Variants in FBXL20 observed in about 807,000 individuals in gnomAD.
FBXL20 encodes F-box/LRR-repeat protein 20.
A neutral mutation model predicts 64.0 loss-of-function variants in FBXL20; 11 were observed. The ratio of observed to expected loss-of-function variants is 0.17; its 90% CI spans 0.11 to 0.28. The LOEUF (loss-of-function observed/expected upper bound fraction) is 0.28, where lower values mean the gene tolerates loss of function less well. FBXL20 is among the 10% of genes least tolerant of loss of function. The probability of loss-of-function intolerance (pLI) is 1.00; values close to 1 mark genes in which losing one functional copy is unlikely to be tolerated. For synonymous variants in FBXL20, 184 were observed against 189.0 expected (o/e 0.97, Z 0.22); for missense variants, 303 against 526.2 (o/e 0.58, Z 4.15).
At chr17:39,300,952 G>A (rs1348125875) in intron 4 of FBXL20, 49 bp downstream of exon 4, 2 of 1,529,956 alleles carry the variant, frequency 1.3e-6, no homozygotes, top group East Asian at 2.2e-5. Flanking sequence ...TCTGTTCCAT[G>A]CTGTAATTAC....
At chr17:39,308,790 C>T (rs1254376033) in intron 2 of FBXL20, among the ~76,000 whole-genome samples, 2 of 151,984 alleles carry the variant, frequency 1.3e-5, no homozygotes, top group African/African-American at 4.8e-5. Flanking sequence ...TGGTCTCAAT[C>T]TCCTGGCTTC....
At chr17:39,344,457 T>C (rs1415833628) in intron 1 of FBXL20, among the ~76,000 whole-genome samples, 1 of 152,136 alleles carries the variant, frequency 6.6e-6, no homozygotes, top group Non-Finnish European at 1.5e-5. Flanking sequence ...CACATTTACT[T>C]GCTCAAGGAG....
At chr17:39,307,990 T>A (rs960830538) in intron 2 of FBXL20, among the ~76,000 whole-genome samples, 14 of 147,266 alleles carry the variant, frequency 9.5e-5, no homozygotes, top group East Asian at 2.0e-4. Flanking sequence ...AAAAAAAAAA[T>A]TTAAAAGACT....
At chr17:39,379,359 G>A (rs1452383104) in intron 1 of FBXL20, among the ~76,000 whole-genome samples, 2 of 151,748 alleles carry the variant, frequency 1.3e-5, no homozygotes, top group South Asian at 2.1e-4. Flanking sequence ...ACACTTTGGT[G>A]ATTCCTTAAA....
intron 6 of FBXL20, among the ~76,000 whole-genome samples, chr17:39,287,933 C>T (rs1279570981): frequency 6.6e-6 from 1 of 150,556 alleles, no homozygotes; most frequent in Non-Finnish European, 1.5e-5. Context: ...TGTGGAATTG[C>T]ATTGTGGTTT....
intron 1 of FBXL20, among the ~76,000 whole-genome samples, chr17:39,354,324 T>C (rs1311328706): frequency 6.6e-6 from 1 of 152,172 alleles, no homozygotes. Flanking sequence ...TTCTTTAGAG[T>C]ACCTGTGCAA....
chr17:39,343,298 C>A, intron 1 of FBXL20, 57 bp from the exon 2 acceptor site: 2 of 1,260,628 alleles, frequency 1.6e-6, no homozygotes, highest in South Asian at 1.4e-5. Flanking sequence ...ACAGAATGTT[C>A]AACTCAATAG....
At chr17:39,293,038 C>T (rs1386493461) in intron 6 of FBXL20, among the ~76,000 whole-genome samples, 1 of 152,018 alleles carries the variant, frequency 6.6e-6, no homozygotes, top group African/African-American at 2.4e-5. Context: ...GGTGATCCGC[C>T]CACCTTGGCC....
chr17:39,267,109 G>A (rs578138219), intron 12 of FBXL20, among the ~76,000 whole-genome samples: 31 of 151,566 alleles, frequency 2.0e-4, no homozygotes, highest in South Asian at 8.4e-4. Context: ...AAAACTAGCC[G>A]GGCGTGGTGG....
At chr17:39,337,734 G>C (rs530404151) in intron 2 of FBXL20, among the ~76,000 whole-genome samples, 3 of 151,504 alleles carry the variant, frequency 2.0e-5, no homozygotes, top group Non-Finnish European at 2.9e-5. Flanking sequence ...GAGAAGGGAG[G>C]AGCGTCTCCG....
rs1458632970 is a variant in FBXL20, at chr17:39,255,096, C to T, written c.*6364G>A. 1 of 152,150 alleles carries T rather than the reference C, an allele frequency of 6.6e-6. No individual in the cohort carries two copies. The highest frequency in any genetic ancestry group is 1.9e-4 in the East Asian group (1 of 5,186). 9.4% of individuals were successfully genotyped at this position (152,150 alleles called of 1,614,324 possible). A position where few individuals can be genotyped will look rare whatever the true frequency, so the allele number is the denominator to read the frequency against. On this transcript the variant is annotated 3_prime_UTR_variant, in exon 15 of 15. Coordinates refer to ENST00000264658, the MANE Select transcript of FBXL20 (RefSeq NM_032875.3). The stretch of plus-strand genomic sequence containing the variant: ...CCTAAGAGGTTATGTACTGACCTTC[C>T]TAACGATCAAAGGCTTCAGAGACAC...
intron 1 of FBXL20, among the ~76,000 whole-genome samples, chr17:39,384,331 C>T (rs376369166): frequency 6.6e-6 from 1 of 152,034 alleles, no homozygotes; most frequent in Non-Finnish European, 1.5e-5. Flanking sequence ...TTCAAAACCT[C>T]CTGGCCAATA....
At position 39,281,380 on chromosome 17, in the gene FBXL20, G is replaced by A. The variant is rs1273262729; in HGVS notation, c.696+9C>T. The A allele has an allele frequency of 1.9e-6, 3 of 1,612,918 alleles. No homozygotes were observed. Among genetic ancestry groups the A allele is most frequent in the Middle Eastern group, 1.7e-4 (1 of 6,060 alleles). On this transcript the variant is annotated intron_variant, in intron 9 of 14. Transcript: ENST00000264658. The stretch of plus-strand genomic sequence containing the variant: ...CTAAAACAGAAGAGTTGTGAGAAGG[G>A]ATGTTTACCAAGCAAGTCTGCAAGT...
intron 1 of FBXL20, among the ~76,000 whole-genome samples, chr17:39,373,574 G>A (rs1161745225): frequency 2.6e-5 from 4 of 152,192 alleles, no homozygotes; most frequent in Admixed American, 6.5e-5. Context: ...AATTCTGCAA[G>A]GATGAGGAAT....
intron 6 of FBXL20, among the ~76,000 whole-genome samples, chr17:39,292,143 G>A (rs2047045043): frequency 1.3e-5 from 2 of 150,564 alleles, no homozygotes; most frequent in African/African-American, 5.0e-5. Flanking sequence ...CATTGATAGT[G>A]TTGCTGAAGT....
chr17:39,348,442 G>A (rs1412362453), intron 1 of FBXL20, among the ~76,000 whole-genome samples: 2 of 149,572 alleles, frequency 1.3e-5, no homozygotes, highest in African/African-American at 5.0e-5. Context: ...CCTGGCGACA[G>A]AACGAGACTC....
intron 1 of FBXL20, among the ~76,000 whole-genome samples, chr17:39,366,433 C>T (rs926335162): frequency 1.3e-5 from 2 of 152,140 alleles, no homozygotes; most frequent in Admixed American, 1.3e-4. Flanking sequence ...TAAGAAATTC[C>T]CTAGACTGGC....
Position 39,292,791 on chromosome 17 carries a change from AT to A in FBXL20, c.398+4335del, listed in dbSNP as rs566595490. ...CCCACTGCTTTGCATATGTCTTATAATTTTTTTTTTTTTTTTTGAGACTGAG... is the reference window on the plus strand; with the variant it reads ...CCCACTGCTTTGCATATGTCTTATAATTTTTTTTTTTTTTTTGAGACTGAG... On this transcript the variant is annotated intron_variant, in intron 6 of 14. Transcript: ENST00000264658. 9.0e-3 allele frequency among the ~76,000 whole-genome samples: 1,187 copies of A among 131,188 alleles called. 9 individuals carry two copies. The highest frequency in any genetic ancestry group is 0.026 in the African/African-American group (921 of 35,966). The allele number at this position is 131,188 out of a possible 152,430, so 86.1% of individuals were successfully genotyped here.
intron 2 of FBXL20, among the ~76,000 whole-genome samples, chr17:39,310,849 G>A (rs2047228686): frequency 6.6e-6 from 1 of 152,110 alleles, no homozygotes; most frequent in Non-Finnish European, 1.5e-5. Context: ...GTCAGGCATG[G>A]TGGCACACGC....
Sources: allele counts gnomAD v4.1 joint callset (sites outside exome capture counted in the v4.1 genomes callset), GRCh38; gene constraint gnomAD v4.1.1; transcripts MANE v1.5; gene names NCBI Gene and HGNC (gene_info 2026-07-23, HGNC 2026-07-21).